Variants in SPARC observed in about 807,000 individuals in gnomAD.
SPARC encodes basement-membrane protein 40.
SPARC carries 23 observed loss-of-function variants against 37.7 expected under a neutral mutation model. The ratio of observed to expected loss-of-function variants is 0.61; its 90% CI spans 0.44 to 0.87. The LOEUF is 0.87. SPARC is among the 40% of genes least tolerant of loss of function. The pLI, the probability that SPARC is intolerant of heterozygous loss-of-function variation, is 0.00. For missense variants in SPARC, 312 were observed against 389.0 expected, an observed-to-expected ratio of 0.80 and a Z score of 1.66; for synonymous variants, 155 against 150.8, an observed-to-expected ratio of 1.03 and a Z score of -0.20.
intron 6 of SPARC, among the ~76,000 whole-genome samples, chr5:151,667,955 G>A (rs1760666629): frequency 6.6e-6 from 1 of 152,146 alleles, no homozygotes; most frequent in Admixed American, 6.5e-5. Context: ...GAAGCTGGGA[G>A]GCTGAGGGAT....
chr5:151,672,404 T>A (rs1760766770), intron 4 of SPARC, among the ~76,000 whole-genome samples: 1 of 152,090 alleles, frequency 6.6e-6, no homozygotes, highest in South Asian at 2.1e-4. Context: ...TCTGAAAACT[T>A]CCCGGCAGCC....
chr5:151,683,711 C>G (rs1292061366), intron 1 of SPARC, among the ~76,000 whole-genome samples: 1 of 152,200 alleles, frequency 6.6e-6, no homozygotes, highest in African/African-American at 2.4e-5. Flanking sequence ...CCTGACTTAG[C>G]ATCTGTCTGT....
rs2116780 is a variant in SPARC at position 151,674,576 on chromosome 5, A to C, written c.120+36T>G. On this transcript the variant is annotated intron_variant, in intron 3 of 9. Coordinates refer to ENST00000231061, the MANE Select transcript of SPARC (RefSeq NM_003118.4). ...TTTCTCAGGGCACAGATACAGGTAG[A>C]GAGGGGCTAAGGGGCTGCGGTCACT... The C allele has an allele frequency of 0.16, 262,489 of 1,604,502 alleles. 25,666 individuals carry two copies. The highest frequency in any genetic ancestry group is 0.41 in the East Asian group (18,154 of 44,814).
At chr5:151,684,991 G>C (rs1197606010) in intron 1 of SPARC, 1 of 152,162 alleles carries the variant, frequency 6.6e-6, no homozygotes, top group Non-Finnish European at 1.5e-5. Context: ...GGTGGGGTAC[G>C]TTCAGACTGA....
chr5:151,675,416 G>C (rs575104101), intron 2 of SPARC, among the ~76,000 whole-genome samples: 3 of 152,292 alleles, frequency 2.0e-5, no homozygotes, highest in South Asian at 4.1e-4. Context: ...TCGAGGAACT[G>C]TCTGTCAATC....
At chr5:151,672,247 G>A (rs1223075459) in intron 4 of SPARC, among the ~76,000 whole-genome samples, 1 of 152,176 alleles carries the variant, frequency 6.6e-6, no homozygotes, top group African/African-American at 2.4e-5. Context: ...CTCAGTAGAT[G>A]TCCCTCTGTT....
chr5:151,683,256 G>A lies in SPARC; in HGVS notation c.-14+3609C>T, dbSNP rs184174432. Among the ~76,000 whole-genome samples the A allele has an allele frequency of 4.5e-4, 68 of 152,380 alleles. 2 individuals carry two copies. In the East Asian group the frequency reaches 0.011, roughly 25 times the overall value. On this transcript the variant is annotated intron_variant, in intron 1 of 9. Coordinates refer to ENST00000231061, the MANE Select transcript of SPARC (RefSeq NM_003118.4). ...GAGCAGCCGCCTACAGGCACATCAT[G>A]CAGGGCCTTTGGGCCTAATGACAAA...
At position 151,666,399 on chromosome 5, in the gene SPARC, G is replaced by A. The variant is rs748526713; in HGVS notation, c.696C>T (p.His232=). The A allele has an allele frequency of 3.7e-6, 6 of 1,614,172 alleles. No individual in the cohort carries two copies. Among genetic ancestry groups the A allele is most frequent in the Non-Finnish European group, 5.1e-6 (6 of 1,180,004 alleles). ...GCTGGTCCAGCTGGCCGAACTGCCA[G>A]TGTACAGGGAAGATGTACATGTTAT... The part of the protein sequence containing the change: ...KNYNMYIFPV[H]WQFGQLDQHP... Residue 232 remains histidine (H), a synonymous_variant, in exon 8 of 10, where the codon CAC becomes CAT. Coordinates refer to ENST00000231061, the MANE Select transcript of SPARC (RefSeq NM_003118.4).
At position 151,663,568 on chromosome 5, in the gene SPARC, G is replaced by A; in HGVS notation, c.*3C>T. The A allele has an allele frequency of 1.9e-6, 3 of 1,613,562 alleles. No individual in the cohort carries two copies. The highest frequency in any genetic ancestry group is 2.2e-5 in the East Asian group (1 of 44,876). On this transcript the variant is annotated 3_prime_UTR_variant, in exon 10 of 10. Transcript: ENST00000231061. ...AGAATCCGGTACTGTGGAAGGAGTG[G>A]ATTTAGATCACAAGATCCTTGTCGA...
chr5:151,664,098 C>G lies in SPARC; in HGVS notation c.872G>C (p.Gly291Ala), dbSNP rs760988343. ...IALDEWAGCF[G>A]IKQKDIDKDL... ...GTTCAGACACTCACTCTGCTTGATG[C>G]CGAAGCAGCCGGCCCACTCATCCAG... The change falls in exon 9 of 10, where the codon GGC becomes GCC. Residue 291 changes from glycine (G) to alanine (A), a missense_variant. Coordinates refer to ENST00000231061, the MANE Select transcript of SPARC (RefSeq NM_003118.4). 1.2e-6 allele frequency: 2 copies of G among 1,614,168 alleles called. No homozygotes were observed. The highest frequency in any genetic ancestry group is 2.2e-5 in the South Asian group (2 of 91,084).
intron 1 of SPARC, among the ~76,000 whole-genome samples, chr5:151,680,251 C>T (rs1170155935): frequency 2.5e-4 from 15 of 61,056 alleles, no homozygotes; most frequent in Admixed American, 2.0e-3. Flanking sequence ...TTTTGAGACA[C>T]GGTCTCCCTC....
intron 1 of SPARC, among the ~76,000 whole-genome samples, chr5:151,685,420 T>TCACA (rs368789187): frequency 0.026 from 2,797 of 107,094 alleles, 36 homozygotes; most frequent in Admixed American, 0.049. Context: ...TCCCTCTCTC[T>TCACA]CTCACACACA....
In SPARC at chr5:151,661,437, C is replaced by T. The variant is rs1421934041; in HGVS notation, c.*2134G>A. 6.6e-6 allele frequency: 1 copy of T among 152,202 alleles called. No homozygotes were observed. Among genetic ancestry groups the T allele is most frequent in the Non-Finnish European group, 1.5e-5 (1 of 68,032 alleles). 9.4% of individuals were successfully genotyped at this position (152,202 alleles called of 1,614,324 possible). On this transcript the variant is annotated 3_prime_UTR_variant, in exon 10 of 10. Coordinates refer to ENST00000231061, the MANE Select transcript of SPARC (RefSeq NM_003118.4). ...CCTCCCACTGTGTAGAAGAGAACAC[C>T]AGAATACAGTTTGATTTTTTAGGAG...
intron 5 of SPARC, among the ~76,000 whole-genome samples, chr5:151,671,292 T>A (rs894659358): frequency 6.6e-6 from 1 of 152,178 alleles, no homozygotes; most frequent in African/African-American, 2.4e-5. Flanking sequence ...TTTTTGGACC[T>A]GATTCTTTGC....
chr5:151,669,774 T>A lies in SPARC; in HGVS notation c.341A>T (p.Asn114Ile). 6.2e-7 allele frequency: 1 copy of A among 1,614,206 alleles called. No homozygotes were observed. Residue 114 changes from asparagine (N) to isoleucine (I), a missense_variant, in exon 6 of 10, where the codon AAT becomes ATT. Coordinates refer to ENST00000231061, the MANE Select transcript of SPARC (RefSeq NM_003118.4). ...GGAAGAGTCGAAGGTCTTGTTGTCATTGCTGCACACCTGTTGGCAAAGCAC... is the reference window on the plus strand; with the variant it reads ...GGAAGAGTCGAAGGTCTTGTTGTCAATGCTGCACACCTGTTGGCAAAGCAC... ...PIGEFEKVCSNDNKTFDSSCH... is the reference protein window; with the variant it reads ...PIGEFEKVCSIDNKTFDSSCH...
intron 3 of SPARC, 71 bp from the exon 4 acceptor site, chr5:151,673,287 G>C: frequency 9.5e-7 from 1 of 1,051,954 alleles, no homozygotes; most frequent in Non-Finnish European, 1.5e-6. Context: ...TAGCTGAAGG[G>C]TTCCAGGTCA....
rs1159019117 is a variant in SPARC, at chr5:151,666,627, C to T, written c.586-118G>A. 4 of 844,616 alleles carry T rather than the reference C, an allele frequency of 4.7e-6. No homozygotes were observed. In the East Asian group the frequency reaches 1.0e-4, roughly 22 times the overall value. The allele number at this position is 844,616 out of a possible 1,614,324, so 52.3% of individuals were successfully genotyped here. ...CAGAGACTAGCCAGACCAAAGCTCA[C>T]AGCGAGGGGAGGGAGGTGTCATAGA... On this transcript the variant is annotated intron_variant, in intron 7 of 9. Coordinates refer to ENST00000231061, the MANE Select transcript of SPARC (RefSeq NM_003118.4).
intron 8 of SPARC, among the ~76,000 whole-genome samples, chr5:151,664,831 T>C (rs769235209): frequency 6.6e-6 from 1 of 152,144 alleles, no homozygotes; most frequent in Non-Finnish European, 1.5e-5. Context: ...TATCCTGTAA[T>C]GTCTGAGAGG....
chr5:151,669,370 A>T (rs1332469204), intron 6 of SPARC, among the ~76,000 whole-genome samples: 2 of 152,236 alleles, frequency 1.3e-5, no homozygotes, highest in Admixed American at 1.3e-4. Context: ...ATTCTTCCTC[A>T]TTAGAGAAAT....
Sources: allele counts gnomAD v4.1 joint callset (sites outside exome capture counted in the v4.1 genomes callset), GRCh38; gene constraint gnomAD v4.1.1; transcripts MANE v1.5; gene names NCBI Gene and HGNC (gene_info 2026-07-23, HGNC 2026-07-21).